MACROD2: variants seen among roughly 807,000 people sequenced by gnomAD.
The protein encoded by MACROD2 is mono-ADP ribosylhydrolase 2.
In MACROD2, 36 loss-of-function variants were observed where a neutral mutation model predicts 70.4. The observed-to-expected ratio is 0.51, with a 90% CI of 0.39 to 0.68. The LOEUF is 0.68. MACROD2 is among the 30% of genes least tolerant of loss of function. The pLI, the probability that MACROD2 is intolerant of heterozygous loss-of-function variation, is 0.00. For missense variants in MACROD2, 496 were observed against 538.4 expected (o/e 0.92, Z 0.78); for synonymous variants, 172 against 178.8 (o/e 0.96, Z 0.30).
At chr20:15,986,868 T>A in intron 14 of MACROD2, 67 bp downstream of exon 14, 2 of 1,268,376 alleles carry the variant, frequency 1.6e-6, no homozygotes, top group Non-Finnish European at 2.3e-6. Context: ...CTTCTATATA[T>A]ACCTGTGTGT....
intron 5 of MACROD2, among the ~76,000 whole-genome samples, chr20:15,051,135 G>A (rs542231320): frequency 1.3e-5 from 2 of 152,168 alleles, no homozygotes; most frequent in South Asian, 4.1e-4. Flanking sequence ...TTTAACTAAT[G>A]TAAGTATTAG....
intron 8 of MACROD2, among the ~76,000 whole-genome samples, chr20:15,726,135 T>C (rs1026203263): frequency 6.6e-6 from 1 of 152,146 alleles, no homozygotes; most frequent in African/African-American, 2.4e-5. Context: ...TTTGTGACCA[T>C]GTGTGTTAAA....
chr20:15,964,760 G>C (rs1407273896), intron 12 of MACROD2, among the ~76,000 whole-genome samples: 1 of 152,160 alleles, frequency 6.6e-6, no homozygotes, highest in East Asian at 1.9e-4. Flanking sequence ...CCTGCTAAAG[G>C]TTATGAGACT....
At chr20:15,228,836 A>G (rs1383469892) in intron 5 of MACROD2, among the ~76,000 whole-genome samples, 1 of 152,080 alleles carries the variant, frequency 6.6e-6, no homozygotes, top group Admixed American at 6.6e-5. Context: ...TGCCATATGC[A>G]TTTTTTAAAC....
At chr20:14,622,258 C>G (rs913295886) in intron 4 of MACROD2, among the ~76,000 whole-genome samples, 1 of 151,946 alleles carries the variant, frequency 6.6e-6, no homozygotes, top group Non-Finnish European at 1.5e-5. Context: ...AGAAAGAAGT[C>G]CATATGCACT....
At chr20:15,984,973 T>C (rs1755056622) in intron 13 of MACROD2, among the ~76,000 whole-genome samples, 1 of 152,148 alleles carries the variant, frequency 6.6e-6, no homozygotes, top group Admixed American at 6.5e-5. Context: ...GTACGGAAAC[T>C]GGCCTGGGTG....
Position 14,988,374 on chromosome 20 carries a change from A to AG in MACROD2, c.419-241564dup, listed in dbSNP as rs397822407. Among the ~76,000 whole-genome samples the AG allele has an allele frequency of 3.3e-4, 50 of 150,344 alleles. 1 individual carries two copies. Among genetic ancestry groups the AG allele is most frequent in the East Asian group, 5.9e-4 (3 of 5,118 alleles). On this transcript the variant is annotated intron_variant, in intron 5 of 17. Transcript: ENST00000684519. ...CTCTGTCAAAAAAAAAAAAAAAAAA[A>AG]GGCTTTATAAATATCAATATCAAGT...
At chr20:14,856,324 A>G (rs2073255149) in intron 5 of MACROD2, among the ~76,000 whole-genome samples, 1 of 152,216 alleles carries the variant, frequency 6.6e-6, no homozygotes, top group African/African-American at 2.4e-5. Context: ...ACGCTGTAAG[A>G]TATACCTATA....
At chr20:15,241,874 G>A (rs1177197774) in intron 6 of MACROD2, among the ~76,000 whole-genome samples, 3 of 151,852 alleles carry the variant, frequency 2.0e-5, no homozygotes, top group Non-Finnish European at 1.5e-5. Flanking sequence ...GTGGTCAGAA[G>A]CATGAATAAG....
chr20:15,688,956 G>T (rs916043565), intron 8 of MACROD2, among the ~76,000 whole-genome samples: 6 of 152,176 alleles, frequency 3.9e-5, no homozygotes, highest in Non-Finnish European at 1.5e-5. Flanking sequence ...AGTATTTATT[G>T]CTCACTTAAC....
chr20:16,042,716 A>G (rs1218885746), intron 16 of MACROD2, among the ~76,000 whole-genome samples: 1 of 152,074 alleles, frequency 6.6e-6, no homozygotes, highest in Non-Finnish European at 1.5e-5. Context: ...TTTGCAGAGC[A>G]GGATGGACGG....
chr20:14,877,080 T>C (rs367946191), intron 5 of MACROD2, among the ~76,000 whole-genome samples: 25 of 152,270 alleles, frequency 1.6e-4, no homozygotes, highest in African/African-American at 6.0e-4. Context: ...ACTCTTCCAA[T>C]CCATGAGCAT....
intron 8 of MACROD2, among the ~76,000 whole-genome samples, chr20:15,710,701 C>G (rs16996401): frequency 0.054 from 8,194 of 152,124 alleles, 729 homozygotes; most frequent in African/African-American, 0.19. Flanking sequence ...TTTGAAATCA[C>G]CAAGTCTGCA....
At chr20:14,049,182 AAAAAAAAC>A (rs1469084778) in intron 2 of MACROD2, among the ~76,000 whole-genome samples, 7 of 97,340 alleles carry the variant, frequency 7.2e-5, no homozygotes, top group Non-Finnish European at 1.7e-4. Context: ...AATAAAAAAA[AAAAAAAAC>A]AAAAAAACAA....
chr20:15,619,731 A>G, intron 8 of MACROD2: 1 of 209,862 alleles, frequency 4.8e-6, no homozygotes. Flanking sequence ...TTTGGCCTTT[A>G]GCTTTTCCTT....
rs574895135 is a variant in MACROD2 at position 15,058,328 on chromosome 20, T to A, written c.419-171612T>A. On this transcript the variant is annotated intron_variant, in intron 5 of 17. Transcript: ENST00000684519. ...AGCAACCCCAATACCTGGTGATCTG[T>A]CCCTTGCAATTCTTTTGACCTGGGG... 1.2e-3 allele frequency among the ~76,000 whole-genome samples: 180 copies of A among 152,258 alleles called. 1 individual carries two copies. The highest frequency in any genetic ancestry group is 4.0e-3 in the African/African-American group (168 of 41,556).
intron 10 of MACROD2, among the ~76,000 whole-genome samples, chr20:15,903,518 C>T (rs1336999765): frequency 6.6e-6 from 1 of 152,104 alleles, no homozygotes; most frequent in Non-Finnish European, 1.5e-5. Context: ...TGAGAATCAC[C>T]AGAGGGTGTG....
chr20:15,860,512 G>T (rs1188601911), intron 8 of MACROD2, among the ~76,000 whole-genome samples: 1 of 152,106 alleles, frequency 6.6e-6, no homozygotes, highest in Admixed American at 6.5e-5. Context: ...TGTGGCTTGA[G>T]AGTCGTTTAT....
At chr20:15,624,541 G>A (rs974143629) in intron 8 of MACROD2, among the ~76,000 whole-genome samples, 3 of 152,086 alleles carry the variant, frequency 2.0e-5, no homozygotes, top group African/African-American at 4.8e-5. Flanking sequence ...TGTGCAGACC[G>A]GGGTTAGAAA....
Sources: allele counts gnomAD v4.1 joint callset (sites outside exome capture counted in the v4.1 genomes callset), GRCh38; gene constraint gnomAD v4.1.1; transcripts MANE v1.5; gene names NCBI Gene and HGNC (gene_info 2026-07-23, HGNC 2026-07-21).